NDUFAF7: variants seen among roughly 807,000 people sequenced by gnomAD.
NDUFAF7 encodes NADH:ubiquinone oxidoreductase complex assembly factor 7.
In NDUFAF7, 48 loss-of-function variants were observed where a neutral mutation model predicts 47.2. That is an observed-to-expected ratio of 1.02 (90% CI 0.81 to 1.29). The LOEUF (loss-of-function observed/expected upper bound fraction) is 1.29, where lower values mean the gene tolerates loss of function less well. Among genes scored for constraint, NDUFAF7 ranks in the 50% most tolerant of loss-of-function variants. The pLI is 0.00. For missense variants in NDUFAF7, 635 were observed against 537.6 expected, an observed-to-expected ratio of 1.18 and a Z score of -1.79; for synonymous variants, 217 against 190.0, an observed-to-expected ratio of 1.14 and a Z score of -1.17.
chr2:37,270,720 G>T, the NDUFAF7 span, among the ~76,000 whole-genome samples: 2 of 152,108 alleles, frequency 1.3e-5, no homozygotes, highest in East Asian at 1.9e-4. Flanking sequence ...AAAATTTTAA[G>T]GTTTGTAAGA....
intron 7 of NDUFAF7, among the ~76,000 whole-genome samples, chr2:37,244,522 C>G (rs925875242): frequency 2.0e-5 from 3 of 152,084 alleles, no homozygotes; most frequent in African/African-American, 7.2e-5. Flanking sequence ...TTCTGTTGAT[C>G]TCAAGGAATC....
intron 2 of NDUFAF7, among the ~76,000 whole-genome samples, chr2:37,233,072 C>G (rs966843579): frequency 1.3e-5 from 2 of 152,074 alleles, no homozygotes; most frequent in African/African-American, 4.8e-5. Flanking sequence ...TGTGGTGGTA[C>G]TAGAAATAGA....
the NDUFAF7 span, chr2:37,268,280 T>C: frequency 6.4e-6 from 3 of 469,788 alleles, no homozygotes; most frequent in Non-Finnish European, 1.3e-5. Context: ...GTGTGCATTT[T>C]TGGTAAGAAG....
intron 4 of NDUFAF7, among the ~76,000 whole-genome samples, chr2:37,238,768 C>G (rs374625976): frequency 3.9e-5 from 6 of 151,918 alleles, no homozygotes; most frequent in African/African-American, 7.3e-5. Flanking sequence ...TAACACGTAA[C>G]CAACAGAGAA....
In NDUFAF7 at chr2:37,246,141, T is replaced by C; in HGVS notation, c.882T>C (p.Gly294=). Residue 294 remains glycine (G), a synonymous_variant, in exon 8 of 10, where the codon GGT becomes GGC. Coordinates refer to ENST00000002125, the MANE Select transcript of NDUFAF7 (RefSeq NM_144736.5). ...CTCAACGCATTGCATTAACTGGAGG[T>C]GCTGCACTGGTTGCTGATTATGGTC... ...ELSQRIALTG[G]AALVADYGHD... is the part of the protein sequence containing the mutation. 6.2e-7 allele frequency: 1 copy of C among 1,613,914 alleles called. No individual in the cohort carries two copies. The highest frequency in any genetic ancestry group is 2.2e-5 in the East Asian group (1 of 44,874).
At chr2:37,267,130 T>C in the NDUFAF7 span, among the ~76,000 whole-genome samples, 1 of 152,204 alleles carries the variant, frequency 6.6e-6, no homozygotes, top group Admixed American at 6.5e-5. Context: ...GACAAGCATG[T>C]CACCTGTGAA....
rs1481841142 is a variant in NDUFAF7 at position 37,231,951 on chromosome 2, C to G, written c.56-155C>G. 10 of 1,594,774 alleles carry G rather than the reference C, an allele frequency of 6.3e-6. No homozygotes were observed. In the East Asian group the frequency reaches 1.6e-4, roughly 25 times the overall value. On this transcript the variant is annotated intron_variant, in intron 1 of 9. Transcript: ENST00000002125. The stretch of plus-strand genomic sequence containing the variant: ...GTAGTCGTGGGCAAGTGGGTGCTGT[C>G]TCTGCGCCCCGTGGGCGTGCTAAGC...
At chr2:37,237,976 C>T in intron 4 of NDUFAF7, 109 bp downstream of exon 4, 1 of 797,094 alleles carries the variant, frequency 1.3e-6, no homozygotes, top group Non-Finnish European at 2.2e-6. Context: ...TTTCATATTT[C>T]TCAGCTAAAA....
downstream of NDUFAF7, chr2:37,254,072 CCATAGT>C (rs1297317062): frequency 1.5e-6 from 1 of 664,000 alleles, no homozygotes. Context: ...AGAGATTCAG[CCATAGT>C]ACAAATTAAT....
intron 8 of NDUFAF7, 72 bp from the exon 9 acceptor site, chr2:37,247,384 C>T: frequency 5.3e-6 from 8 of 1,515,454 alleles, no homozygotes; most frequent in Non-Finnish European, 7.3e-6. Context: ...TATTAAATAA[C>T]TTTAATATGA....
rs367730912 is a variant in NDUFAF7 at position 37,241,614 on chromosome 2, G to A, written c.445G>A (p.Asp149Asn). Residue 149 changes from aspartate (D) to asparagine (N), a missense_variant, in exon 5 of 10, where the codon GAC becomes AAC. Asp to Asn is a conservative substitution (Grantham distance 23). Coordinates refer to ENST00000002125, the MANE Select transcript of NDUFAF7 (RefSeq NM_144736.5). ...TQLGSVLKNC[D>N]ISVHLVEVSQ... is the part of the protein sequence containing the mutation. ...ACTTGGATCTGTGCTGAAAAATTGT[G>A]ACATTTCAGTACATCTGGTAGAGGT... 2.4e-5 allele frequency: 38 copies of A among 1,613,562 alleles called. No homozygotes were observed. Among genetic ancestry groups the A allele is most frequent in the Non-Finnish European group, 3.0e-5 (35 of 1,179,898 alleles).
chr2:37,260,155 C>T, the NDUFAF7 span: 94 of 1,404,514 alleles, frequency 6.7e-5, no homozygotes, highest in African/African-American at 1.3e-3. Context: ...CAGAGTAAGA[C>T]TCTTGTCTTA....
At chr2:37,257,387 C>T (rs1023560520), downstream of NDUFAF7, among the ~76,000 whole-genome samples, 1 of 152,026 alleles carries the variant, frequency 6.6e-6, no homozygotes, top group East Asian at 1.9e-4. Flanking sequence ...CAGTATTAGC[C>T]AGGTGTGGTG....
At chr2:37,254,213 G>C (rs748993443), downstream of NDUFAF7, 2 of 1,609,374 alleles carry the variant, frequency 1.2e-6, no homozygotes, top group Non-Finnish European at 1.7e-6. Flanking sequence ...CCTGTAGCCA[G>C]GGATGACTAA....
At chr2:37,264,879 A>G in the NDUFAF7 span, among the ~76,000 whole-genome samples, 2 of 152,222 alleles carry the variant, frequency 1.3e-5, no homozygotes, top group Non-Finnish European at 2.9e-5. Context: ...AAACAGAATT[A>G]CAAAGCCTGT....
the NDUFAF7 span, chr2:37,269,746 TCTGA>T: frequency 4.1e-6 from 5 of 1,216,404 alleles, no homozygotes; most frequent in Non-Finnish European, 5.9e-6. Flanking sequence ...TGTCAACATC[TCTGA>T]CTTTCTTCAT....
the NDUFAF7 span, among the ~76,000 whole-genome samples, chr2:37,264,191 G>T: frequency 1.3e-5 from 2 of 152,062 alleles, no homozygotes; most frequent in African/African-American, 2.4e-5. Context: ...CTTTTTCTGT[G>T]TAACTGTATA....
downstream of NDUFAF7, chr2:37,256,580 A>T: frequency 7.2e-7 from 1 of 1,398,262 alleles, no homozygotes; most frequent in Non-Finnish European, 9.4e-7. Flanking sequence ...CAAGAGACAG[A>T]CTGATTTGGG....
intron 3 of NDUFAF7, among the ~76,000 whole-genome samples, chr2:37,237,138 T>A (rs1665877782): frequency 6.6e-6 from 1 of 151,916 alleles, no homozygotes; most frequent in Non-Finnish European, 1.5e-5. Flanking sequence ...TCCTGGCTAA[T>A]TTTGTATTTT....
Sources: gnomAD v4.1 joint callset for allele counts (sites outside exome capture counted in the v4.1 genomes callset) on GRCh38, gnomAD v4.1.1 for gene constraint, MANE v1.5 for transcripts, NCBI Gene and HGNC (gene_info 2026-07-23, HGNC 2026-07-21) for gene names.